COL22A1: variants seen among roughly 807,000 people sequenced by gnomAD.
The protein encoded by COL22A1 is collagen alpha-1(XXII) chain.
Under a neutral mutation model 248.9 loss-of-function variants are expected in COL22A1, and 221 were observed. The ratio of observed to expected loss-of-function variants is 0.89; its 90% CI spans 0.80 to 0.99. The LOEUF (loss-of-function observed/expected upper bound fraction) is 0.99, where lower values mean the gene tolerates loss of function less well. Among genes scored for constraint, COL22A1 ranks in the 50% least tolerant of loss-of-function variants. The pLI is 0.00. For synonymous variants in COL22A1, 891 were observed against 793.4 expected, an observed-to-expected ratio of 1.12 and a Z score of -2.07; for missense variants, 2,240 against 2,179.0, an observed-to-expected ratio of 1.03 and a Z score of -0.56.
chr8:138,656,821 C>A (rs1254135986), intron 44 of COL22A1, among the ~76,000 whole-genome samples: 1 of 152,170 alleles, frequency 6.6e-6, no homozygotes, highest in Non-Finnish European at 1.5e-5. Flanking sequence ...CAACTAAATG[C>A]ATGGTGGCTG....
At position 138,694,822 on chromosome 8, in the gene COL22A1, T is replaced by A; in HGVS notation, c.2646+4A>T. ...TGCGGGGGAAGGGGACACAAGAGAC[T>A]CACCGGTTCCCCAGGCAGGCCTGGA... On this transcript the variant is annotated splice_donor_region_variant and intron_variant, in intron 33 of 64. Coordinates refer to ENST00000303045, the MANE Select transcript of COL22A1 (RefSeq NM_152888.3). 6.2e-7 allele frequency: 1 copy of A among 1,613,898 alleles called. No homozygotes were observed. The highest frequency in any genetic ancestry group is 8.5e-7 in the Non-Finnish European group (1 of 1,179,890).
chr8:138,709,235 C>T (rs1171625044), intron 30 of COL22A1, among the ~76,000 whole-genome samples: 51 of 152,158 alleles, frequency 3.4e-4, no homozygotes, highest in Non-Finnish European at 8.8e-5. Flanking sequence ...TGTGGCGATT[C>T]CTCAAGGATC....
intron 21 of COL22A1, among the ~76,000 whole-genome samples, chr8:138,753,682 C>T (rs1832779803): frequency 6.6e-6 from 1 of 152,206 alleles, no homozygotes. Context: ...TGTGTTATTT[C>T]ATCCCTATAT....
At chr8:138,598,286 G>A (rs1817710219) in intron 61 of COL22A1, among the ~76,000 whole-genome samples, 2 of 152,170 alleles carry the variant, frequency 1.3e-5, no homozygotes, top group African/African-American at 4.8e-5. Flanking sequence ...ATACAAGAGT[G>A]GCATAGCCAG....
intron 53 of COL22A1, 115 bp downstream of exon 53, chr8:138,619,337 GAGA>G (rs1238791580): frequency 3.8e-6 from 3 of 794,416 alleles, no homozygotes; most frequent in African/African-American, 3.4e-5. Flanking sequence ...CCGTCTGGAG[GAGA>G]AGGACTTCTA....
intron 56 of COL22A1, among the ~76,000 whole-genome samples, chr8:138,612,446 T>C (rs896482974): frequency 6.6e-6 from 1 of 152,184 alleles, no homozygotes; most frequent in African/African-American, 2.4e-5. Context: ...CATCCAGATA[T>C]GTATCCATCA....
At chr8:138,814,766 G>A (rs866198769) in intron 7 of COL22A1, among the ~76,000 whole-genome samples, 3 of 152,124 alleles carry the variant, frequency 2.0e-5, no homozygotes, top group Admixed American at 1.3e-4. Flanking sequence ...GACAGTACAT[G>A]TTTGTTGTTT....
intron 3 of COL22A1, among the ~76,000 whole-genome samples, chr8:138,866,845 A>G (rs947981103): frequency 2.0e-5 from 3 of 152,168 alleles, no homozygotes; most frequent in Non-Finnish European, 4.4e-5. Flanking sequence ...CTTTCATTAG[A>G]TGTCACACAG....
Position 138,635,298 on chromosome 8 carries a change from C to G in COL22A1, c.3556-235G>C, listed in dbSNP as rs542400379. ...GATTTGCTTCAAAATAATGTGTGGGCAGGGGGTGTGGAGAAATGGTTGAGG... is the reference window on the plus strand; with the variant it reads ...GATTTGCTTCAAAATAATGTGTGGGGAGGGGGTGTGGAGAAATGGTTGAGG... On this transcript the variant is annotated intron_variant, in intron 48 of 64. Coordinates refer to ENST00000303045, the MANE Select transcript of COL22A1 (RefSeq NM_152888.3). Among the ~76,000 whole-genome samples, 5 of 152,056 alleles carry G rather than the reference C, an allele frequency of 3.3e-5. No homozygotes were observed. The South Asian group carries it at 1.0e-3, about 32-fold the overall frequency.
At chr8:138,611,810 T>C (rs563713363) in intron 56 of COL22A1, among the ~76,000 whole-genome samples, 12 of 152,138 alleles carry the variant, frequency 7.9e-5, no homozygotes, top group Non-Finnish European at 1.8e-4. Context: ...TCCAACCTCA[T>C]AGGACCTGCC....
intron 5 of COL22A1, among the ~76,000 whole-genome samples, chr8:138,832,462 C>A (rs1279840495): frequency 6.6e-6 from 1 of 152,136 alleles, no homozygotes; most frequent in African/African-American, 2.4e-5. Context: ...TCTTTAGCCC[C>A]TGACTGGAGG....
intron 16 of COL22A1, among the ~76,000 whole-genome samples, chr8:138,773,390 A>C (rs1383451454): frequency 6.6e-6 from 1 of 152,032 alleles, no homozygotes; most frequent in Non-Finnish European, 1.5e-5. Flanking sequence ...CCCTTCAAAT[A>C]CGGCTGTCTC....
At position 138,779,501 on chromosome 8, in the gene COL22A1, A is replaced by C. The variant is rs1197891164; in HGVS notation, c.1704+8T>G. 5 of 1,608,088 alleles carry C rather than the reference A, an allele frequency of 3.1e-6. No individual in the cohort carries two copies. The highest frequency in any genetic ancestry group is 4.3e-6 in the Non-Finnish European group (5 of 1,174,708). On this transcript the variant is annotated splice_region_variant and intron_variant, in intron 14 of 64. Transcript: ENST00000303045. Reference sequence around the variant, plus strand: ...CATCAGAAGGGCCCAGCTCACAGCAACACTCACCCGCATGCCGACCTCACC... The same window carrying C: ...CATCAGAAGGGCCCAGCTCACAGCACCACTCACCCGCATGCCGACCTCACC...
chr8:138,694,131 TC>T (rs1165402824), intron 34 of COL22A1, among the ~76,000 whole-genome samples: 1 of 152,146 alleles, frequency 6.6e-6, no homozygotes, highest in Admixed American at 6.5e-5. Flanking sequence ...GCACTGCCAC[TC>T]CATGACTGGG....
At position 138,715,682 on chromosome 8, in the gene COL22A1, CT is replaced by C; in HGVS notation, c.2516del (p.Lys839ArgfsTer163). On this transcript the variant is annotated frameshift_variant and splice_region_variant, in exon 30 of 65. Coordinates refer to ENST00000303045, the MANE Select transcript of COL22A1 (RefSeq NM_152888.3). LOFTEE classifies it high-confidence loss of function. ...CAGAATGAGAGCAAGTTTCTCCTAC[CT>C]TTTCACCTCGGTCACCTTTCAGTCC... The part of the protein sequence containing the change: ...LPGLKGDRGE[K>X]GEAGPAGPPG... The C allele has an allele frequency of 1.2e-6, 2 of 1,609,926 alleles. No homozygotes were observed. Among genetic ancestry groups the C allele is most frequent in the Non-Finnish European group, 1.7e-6 (2 of 1,177,750 alleles).
At chr8:138,751,218 C>G (rs1428219746) in intron 22 of COL22A1, among the ~76,000 whole-genome samples, 3 of 152,202 alleles carry the variant, frequency 2.0e-5, no homozygotes, top group African/African-American at 7.2e-5. Flanking sequence ...TCATGTCTCT[C>G]TATATATGAC....
Position 138,598,849 on chromosome 8 carries a change from T to A in COL22A1, c.4235A>T (p.Gln1412Leu). ...GDKGPPGGKG[Q>L]PGDPGIPGHK... is the part of the protein sequence containing the mutation. Reference sequence around the variant, plus strand: ...GCCTGGGATTCCAGGGTCCCCAGGCTGGCCTTTTCCACCAGGAGGTCCTTT... The same window carrying A: ...GCCTGGGATTCCAGGGTCCCCAGGCAGGCCTTTTCCACCAGGAGGTCCTTT... Residue 1412 changes from glutamine to leucine, a missense_variant, in exon 61 of 65, where the codon CAG (glutamine) becomes CTG (leucine). Gln to Leu is a moderately radical substitution (Grantham distance 113, BLOSUM62 -2). Transcript: ENST00000303045. 6.2e-7 allele frequency: 1 copy of A among 1,614,168 alleles called. No homozygotes were observed. The highest frequency in any genetic ancestry group is 1.3e-5 in the African/African-American group (1 of 75,044).
chr8:138,868,903 G>T lies in COL22A1; in HGVS notation c.658+8847C>A, dbSNP rs541902909. Among the ~76,000 whole-genome samples, 581 of 152,176 alleles carry T rather than the reference G, an allele frequency of 3.8e-3. 5 individuals carry two copies. The highest frequency in any genetic ancestry group is 0.013 in the African/African-American group (544 of 41,524). ...CTGCCACCACACCCGGCTAATTTTT[G>T]TATTTTTAGTAGAGATGGGGGTTTC... On this transcript the variant is annotated intron_variant, in intron 3 of 64. Transcript: ENST00000303045.
chr8:138,738,197 G>A (rs1252166206), intron 22 of COL22A1, among the ~76,000 whole-genome samples: 4 of 152,162 alleles, frequency 2.6e-5, no homozygotes, highest in African/African-American at 9.7e-5. Flanking sequence ...CTCGTGGCTA[G>A]GTAGGTTACT....
Sources: gnomAD v4.1 joint callset for allele counts (sites outside exome capture counted in the v4.1 genomes callset) on GRCh38, gnomAD v4.1.1 for gene constraint, MANE v1.5 for transcripts, NCBI Gene and HGNC (gene_info 2026-07-23, HGNC 2026-07-21) for gene names.